Variants in WDR26 observed in about 807,000 individuals in gnomAD.
WDR26 encodes the protein WD repeat domain 26, also known as WD repeat-containing protein 26.
A neutral mutation model predicts 84.1 loss-of-function variants in WDR26; 5 were observed. The observed-to-expected ratio is 0.06, with a 90% CI of 0.03 to 0.13. The LOEUF is 0.13. Ranked by LOEUF, WDR26 falls within the 10% of genes least tolerant of loss-of-function variation. The pLI, the probability that WDR26 is intolerant of heterozygous loss-of-function variation, is 1.00. For missense variants in WDR26, 642 were observed against 974.9 expected (o/e 0.66, Z 4.55); for synonymous variants, 415 against 389.6 (o/e 1.07, Z -0.77).
At chr1:224,410,047 G>A (rs1572183634) in intron 7 of WDR26, among the ~76,000 whole-genome samples, 1 of 151,878 alleles carries the variant, frequency 6.6e-6, no homozygotes, top group Non-Finnish European at 1.5e-5. Flanking sequence ...TTGGGAGGCC[G>A]AGGAGGGCAG....
chr1:224,420,216 C>T (rs1281855950), intron 4 of WDR26, among the ~76,000 whole-genome samples: 1 of 152,206 alleles, frequency 6.6e-6, no homozygotes, highest in African/African-American at 2.4e-5. Flanking sequence ...GAGCACAAAA[C>T]TGGGGAACTG....
intron 7 of WDR26, among the ~76,000 whole-genome samples, chr1:224,408,420 TAAA>T (rs1189452621): frequency 1.1e-3 from 161 of 152,342 alleles, no homozygotes; most frequent in Non-Finnish European, 3.8e-4. Flanking sequence ...AGGTGTTTAA[TAAA>T]TACTGGCTAA....
chr1:224,422,408 A>G (rs1186585059), intron 4 of WDR26, among the ~76,000 whole-genome samples: 2 of 152,180 alleles, frequency 1.3e-5, no homozygotes, highest in Non-Finnish European at 2.9e-5. Flanking sequence ...TGTGTGAAAT[A>G]TGCATTGTTA....
intron 3 of WDR26, chr1:224,429,862 T>C (rs1004052584): frequency 2.0e-5 from 3 of 152,190 alleles, no homozygotes; most frequent in African/African-American, 4.8e-5. Flanking sequence ...CTCAAATTAC[T>C]ATAAACAAAT....
At position 224,386,599 on chromosome 1, in the gene WDR26, A is replaced by T. The variant is rs527513106; in HGVS notation, c.*3236T>A. 1.3e-5 allele frequency: 2 copies of T among 152,690 alleles called. No homozygotes were observed. The highest frequency in any genetic ancestry group is 3.8e-4 in the East Asian group (2 of 5,196). 9.5% of individuals were successfully genotyped at this position (152,690 alleles called of 1,614,324 possible). On this transcript the variant is annotated 3_prime_UTR_variant, in exon 14 of 14. Transcript: ENST00000414423. ...ACTGTAGAGGCAGAACACTCCTAATAATAACATTCACCAGATTACTACTGC... is the reference window on the plus strand; with the variant it reads ...ACTGTAGAGGCAGAACACTCCTAATTATAACATTCACCAGATTACTACTGC...
At position 224,398,205 on chromosome 1, in the gene WDR26, G is replaced by T. The variant is rs1360219145; in HGVS notation, c.1966C>A (p.Gln656Lys). 2.5e-6 allele frequency: 4 copies of T among 1,613,034 alleles called. No homozygotes were observed. Among genetic ancestry groups the T allele is most frequent in the Non-Finnish European group, 3.4e-6 (4 of 1,179,770 alleles). The change falls in exon 12 of 14, where the codon CAA becomes AAA. Residue 656 changes from glutamine to lysine, a missense_variant. Around this residue, in one of 2 missense-constraint regions of WDR26, gnomAD observed 351 missense variants for 672.8 expected, o/e 0.52. Coordinates refer to ENST00000414423, the MANE Select transcript of WDR26 (RefSeq NM_001379403.1). The stretch of plus-strand genomic sequence containing the variant: ...TACTTTCTTACTAAAACTCTGTCTT[G>T]CAAGTCCCATAAATGAACTCCCTGC...
intron 6 of WDR26, among the ~76,000 whole-genome samples, chr1:224,413,899 T>C (rs995581272): frequency 9.8e-5 from 15 of 152,336 alleles, no homozygotes; most frequent in African/African-American, 3.6e-4. Context: ...AACCTCCACC[T>C]CCTGGGTTCA....
intron 3 of WDR26, among the ~76,000 whole-genome samples, chr1:224,426,522 CTAAT>C: frequency 6.6e-6 from 1 of 152,118 alleles, no homozygotes; most frequent in South Asian, 2.1e-4. Context: ...TTTAGAATGA[CTAAT>C]GAATGTTTCA....
At chr1:224,389,902 G>GGC in intron 13 of WDR26, 42 bp from the exon 14 acceptor site, 12 of 376,250 alleles carry the variant, frequency 3.2e-5, no homozygotes, top group Non-Finnish European at 4.5e-5. Flanking sequence ...GCGGGCGGGG[G>GGC]AGGGAAGAGG....
At chr1:224,417,521 C>T (rs1673939603) in intron 6 of WDR26, among the ~76,000 whole-genome samples, 1 of 152,102 alleles carries the variant, frequency 6.6e-6, no homozygotes, top group East Asian at 1.9e-4. Flanking sequence ...CCAGCTGGGG[C>T]AAGAGACCCC....
chr1:224,415,605 C>T (rs192964155), intron 6 of WDR26, among the ~76,000 whole-genome samples: 220 of 152,054 alleles, frequency 1.4e-3, no homozygotes, highest in African/African-American at 4.8e-3. Context: ...GGACTACAGG[C>T]GTGTGCCGCC....
chr1:224,387,145 AT>A lies in WDR26; in HGVS notation c.*2689del, dbSNP rs1673007819. ...CTATTTTGATCTATGTGCAAAAAGT[AT>A]TGGTACTTTTCAATTTATACATTTG... On this transcript the variant is annotated 3_prime_UTR_variant, in exon 14 of 14. Transcript: ENST00000414423. 1 of 152,664 alleles carries A rather than the reference AT, an allele frequency of 6.6e-6. No homozygotes were observed. Among genetic ancestry groups the A allele is most frequent in the Admixed American group, 6.5e-5 (1 of 15,284 alleles). 9.5% of individuals were successfully genotyped at this position (152,664 alleles called of 1,614,324 possible).
intron 6 of WDR26, among the ~76,000 whole-genome samples, chr1:224,416,903 T>A (rs914373241): frequency 6.6e-6 from 1 of 152,212 alleles, no homozygotes; most frequent in Admixed American, 6.5e-5. Context: ...ACAAAAAGAT[T>A]TTTAAATCCT....
rs1313255488 is a variant in WDR26 at position 224,388,744 on chromosome 1, A to AT, written c.*1090_*1091insA. The AT allele has an allele frequency of 6.6e-6, 1 of 152,634 alleles. No individual in the cohort carries two copies. Among genetic ancestry groups the AT allele is most frequent in the African/African-American group, 2.4e-5 (1 of 41,446 alleles). The allele number at this position is 152,634 out of a possible 1,614,324, so 9.5% of individuals were successfully genotyped here. On this transcript the variant is annotated 3_prime_UTR_variant, in exon 14 of 14. Coordinates refer to ENST00000414423, the MANE Select transcript of WDR26 (RefSeq NM_001379403.1). ...GAATTCTTCTAATAATTTCAATTAT[A>AT]CTATAAACTTCCAAAGTGGTTGTAT...
intron 7 of WDR26, among the ~76,000 whole-genome samples, chr1:224,408,914 G>T (rs868350874): frequency 2.6e-5 from 4 of 152,002 alleles, no homozygotes; most frequent in South Asian, 4.2e-4. Flanking sequence ...AGAATCAGGG[G>T]TCTATGAATT....
At chr1:224,401,671 C>CAAAAAAAAAA (rs767368281) in intron 8 of WDR26, among the ~76,000 whole-genome samples, 17 of 49,642 alleles carry the variant, frequency 3.4e-4, no homozygotes, top group Non-Finnish European at 4.7e-4. Flanking sequence ...GAGACTGTCT[C>CAAAAAAAAAA]AAAAAAAAAA....
chr1:224,402,605 G>A (rs188743519), intron 8 of WDR26, among the ~76,000 whole-genome samples: 21 of 152,278 alleles, frequency 1.4e-4, no homozygotes, highest in Non-Finnish European at 2.9e-5. Flanking sequence ...ATTGGTCAAA[G>A]GAAGACTACA....
intron 13 of WDR26, among the ~76,000 whole-genome samples, chr1:224,390,537 G>C (rs181163424): frequency 6.6e-6 from 1 of 152,186 alleles, no homozygotes; most frequent in East Asian, 1.9e-4. Context: ...GTAGAATAAC[G>C]TGTTATAACT....
At chr1:224,407,497 A>T (rs1461513143) in intron 7 of WDR26, among the ~76,000 whole-genome samples, 2 of 148,760 alleles carry the variant, frequency 1.3e-5, no homozygotes, top group Admixed American at 1.3e-4. Context: ...ATATATATAT[A>T]TATACATATA....
Sources: gnomAD v4.1 joint callset for allele counts (sites outside exome capture counted in the v4.1 genomes callset) on GRCh38, gnomAD v4.1.1 for gene constraint, gnomAD v4.1.1 regional missense constraint, MANE v1.5 for transcripts, NCBI Gene and HGNC (gene_info 2026-07-23, HGNC 2026-07-21) for gene names.